C12orf76: variants seen among roughly 807,000 people sequenced by gnomAD.
C12orf76 encodes the protein chromosome 12 open reading frame 76.
In C12orf76, 6 loss-of-function variants were observed where a neutral mutation model predicts 6.8. That is an observed-to-expected ratio of 0.88 (90% CI 0.48 to 1.73). C12orf76 has a LOEUF of 1.73. C12orf76 is among the 40% of genes most tolerant of loss of function. The pLI is 0.01. For missense variants in C12orf76, 99 were observed against 98.2 expected (o/e 1.01, Z -0.03); for synonymous variants, 56 against 43.7 (o/e 1.28, Z -1.11).
At chr12:110,066,056 G>A in intron 1 of C12orf76, 1 of 1,522,244 alleles carries the variant, frequency 6.6e-7, no homozygotes, top group Non-Finnish European at 8.8e-7. Flanking sequence ...GGTGGGATGA[G>A]AATGTGGCAG....
upstream of C12orf76, chr12:110,048,911 C>T (rs1405365561): frequency 6.4e-6 from 1 of 156,278 alleles, no homozygotes; most frequent in Non-Finnish European, 1.4e-5. Flanking sequence ...CAAATGCCAT[C>T]TTCTCAGGGA....
At chr12:110,072,705 A>T (rs1248834648) in intron 1 of C12orf76, among the ~76,000 whole-genome samples, 1 of 152,106 alleles carries the variant, frequency 6.6e-6, no homozygotes, top group African/African-American at 2.4e-5. Flanking sequence ...GGTGGATCAC[A>T]TGAGGTCAGG....
chr12:110,043,763 G>C (rs527447204), intron 1 of C12orf76, among the ~76,000 whole-genome samples: 1 of 152,018 alleles, frequency 6.6e-6, no homozygotes, highest in South Asian at 2.1e-4. Flanking sequence ...GCTGAGGCAG[G>C]AGAATTGCTT....
upstream of C12orf76, chr12:110,048,730 G>T: frequency 8.9e-7 from 1 of 1,125,772 alleles, no homozygotes; most frequent in Non-Finnish European, 1.1e-6. Context: ...TTCCGTCTGT[G>T]CCAACGTTCG....
chr12:110,072,489 TTTTTTTG>T (rs1892970777), upstream of C12orf76, among the ~76,000 whole-genome samples: 1 of 151,666 alleles, frequency 6.6e-6, no homozygotes, highest in African/African-American at 2.4e-5. Context: ...GAGTGTGGGT[TTTTTTTG>T]TTTTTTTTTT....
intron 4 of C12orf76, among the ~76,000 whole-genome samples, chr12:110,056,711 T>C (rs1892674268): frequency 1.3e-5 from 2 of 152,108 alleles, no homozygotes; most frequent in African/African-American, 4.8e-5. Context: ...GAATTGTAGC[T>C]CCCATAATTC....
rs1468464511 is a variant in C12orf76 at position 110,042,428 on chromosome 12, C to G, written c.165G>C (p.Leu55=). 6.2e-7 allele frequency: 1 copy of G among 1,614,090 alleles called. No homozygotes were observed. The highest frequency in any genetic ancestry group is 8.5e-7 in the Non-Finnish European group (1 of 1,179,918). The part of the protein sequence containing the change: ...VLMGTIFSIL[L]VTVILMAFCV... ...AAAATGCCATAAGGATGACAGTCAC[C>G]AGCAGGATGCTGAAAATGGTTCCCA... Residue 55 remains leucine, a synonymous_variant, in exon 2 of 2, where the codon CTG becomes CTC. Transcript: ENST00000615315.
At position 110,056,174 on chromosome 12, in the gene C12orf76, G is replaced by A. The variant is rs540619080; in HGVS notation, n.664+1015C>T. On this transcript the variant is annotated intron_variant and non_coding_transcript_variant, in intron 4 of 4. Transcript: ENST00000309050. The stretch of plus-strand genomic sequence containing the variant: ...TGTAGGAGGGGAATACTGTGATCAC[G>A]AAACTGAGTTTGTGATGTCCTCCCT... 4.6e-5 allele frequency among the ~76,000 whole-genome samples: 7 copies of A among 152,094 alleles called. 1 individual carries two copies. The highest frequency in any genetic ancestry group is 1.7e-4 in the African/African-American group (7 of 41,490).
upstream of C12orf76, among the ~76,000 whole-genome samples, chr12:110,068,329 A>AAGAAGAAGG (rs1157443112): frequency 9.3e-4 from 118 of 127,158 alleles, no homozygotes; most frequent in African/African-American, 3.1e-3. Context: ...GAAGAAGAAG[A>AAGAAGAAGG]AGGCGGCCAA....
Position 110,041,480 on chromosome 12 carries a change from TAGC to T in C12orf76, c.*891_*893del, listed in dbSNP as rs1195204040. 5.2e-5 allele frequency: 8 copies of T among 152,516 alleles called. No individual in the cohort carries two copies. Among genetic ancestry groups the T allele is most frequent in the South Asian group, 2.1e-4 (1 of 4,834 alleles). The allele number at this position is 152,516 out of a possible 1,614,324, so 9.4% of individuals were successfully genotyped here. ...CCAGTTCACCAACAGTGGAAACTAA[TAGC>T]AGCATTTTCAAAGCTGAGATGAAAT... On this transcript the variant is annotated 3_prime_UTR_variant, in exon 2 of 2. Coordinates refer to ENST00000615315, the MANE Select transcript of C12orf76 (RefSeq NM_001389625.1).
chr12:110,067,813 T>G (rs1267633041), upstream of C12orf76: 1 of 152,326 alleles, frequency 6.6e-6, no homozygotes. Flanking sequence ...ATCAGAGTCT[T>G]TCCCGGGACT....
Position 110,043,054 on chromosome 12 carries a change from T to C in C12orf76, c.134-595A>G, listed in dbSNP as rs1164413115. 2.0e-5 allele frequency among the ~76,000 whole-genome samples: 3 copies of C among 150,588 alleles called. 1 individual carries two copies. Among genetic ancestry groups the C allele is most frequent in the African/African-American group, 7.4e-5 (3 of 40,800 alleles). Reference sequence around the variant, plus strand: ...GAGATTGCGCCACTAAGCGACAGAATGAAACTCCACCTCAAAAAAAAAAAC... The same window carrying C: ...GAGATTGCGCCACTAAGCGACAGAACGAAACTCCACCTCAAAAAAAAAAAC... On this transcript the variant is annotated intron_variant, in intron 1 of 1. Transcript: ENST00000615315.
chr12:110,048,336 C>T (rs1269119991), intron 1 of C12orf76, 27 bp downstream of exon 1: 3 of 1,480,932 alleles, frequency 2.0e-6, no homozygotes, highest in East Asian at 2.7e-5. Flanking sequence ...GCACTACCCG[C>T]CGCCCGCCAG....
At chr12:110,065,884 G>T (rs1892850677) in exon 2 of C12orf76, 7 of 1,614,098 alleles carry the variant, frequency 4.3e-6, no homozygotes, top group Non-Finnish European at 5.9e-6. Flanking sequence ...TGCTGTCCTT[G>T]CTGTTCCTCT....
rs1189427503 is a variant in C12orf76 at position 110,048,473 on chromosome 12, CACGGTAACGCTGG to C, written c.10_22del (p.Pro4GlyfsTer39). 2 of 1,462,242 alleles carry C rather than the reference CACGGTAACGCTGG, an allele frequency of 1.4e-6. No individual in the cohort carries two copies. Among genetic ancestry groups the C allele is most frequent in the African/African-American group, 2.9e-5 (2 of 68,026 alleles). The allele number at this position is 1,462,242 out of a possible 1,614,324, so 90.6% of individuals were successfully genotyped here. Reference sequence around the variant, plus strand: ...GAGGCTGCAGAGGCCAAGGTACAGCCACGGTAACGCTGGACGCAGCATCTTCCCCAGCCCTGCA... The same window carrying C: ...GAGGCTGCAGAGGCCAAGGTACAGCCACGCAGCATCTTCCCCAGCCCTGCA... On this transcript the variant is annotated frameshift_variant, in exon 1 of 2. Coordinates refer to ENST00000615315, the MANE Select transcript of C12orf76 (RefSeq NM_001389625.1). LOFTEE classifies it high-confidence loss of function.
At chr12:110,068,201 T>C (rs1892898273), upstream of C12orf76, among the ~76,000 whole-genome samples, 1 of 140,012 alleles carries the variant, frequency 7.1e-6, no homozygotes, top group Non-Finnish European at 1.5e-5. Flanking sequence ...GGAAACTCCG[T>C]CTCAAAAAAG....
upstream of C12orf76, among the ~76,000 whole-genome samples, chr12:110,067,891 T>C (rs945766999): frequency 2.6e-5 from 4 of 152,034 alleles, no homozygotes; most frequent in African/African-American, 9.7e-5. Context: ...ATGTAAGGAT[T>C]TCATGCTACA....
Position 110,042,120 on chromosome 12 carries a change from C to A in C12orf76, c.*254G>T. 1.9e-6 allele frequency: 1 copy of A among 539,324 alleles called. No homozygotes were observed. The highest frequency in any genetic ancestry group is 2.4e-5 in the South Asian group (1 of 42,550). 33.4% of individuals were successfully genotyped at this position (539,324 alleles called of 1,614,324 possible). On this transcript the variant is annotated 3_prime_UTR_variant, in exon 2 of 2. Coordinates refer to ENST00000615315, the MANE Select transcript of C12orf76 (RefSeq NM_001389625.1). ...TCCATCTTTACACTGACCTTTGGAG[C>A]TTTCAGGTCTTACTTTTAACAAGTA...
chr12:110,062,884 C>T (rs1407805468), intron 2 of C12orf76, among the ~76,000 whole-genome samples: 1 of 147,808 alleles, frequency 6.8e-6, no homozygotes, highest in Non-Finnish European at 1.5e-5. Context: ...CTCAAGCAAT[C>T]CTCCCATCTC....
Sources: allele counts gnomAD v4.1 joint callset (sites outside exome capture counted in the v4.1 genomes callset), GRCh38; gene constraint gnomAD v4.1.1; transcripts MANE v1.5; gene names NCBI Gene and HGNC (gene_info 2026-07-23, HGNC 2026-07-21).